Variants in OR3A2 observed in about 807,000 individuals in gnomAD.
OR3A2 encodes olfactory receptor family 3 subfamily A member 2, also known as olfactory receptor 3A2.
For missense variants in OR3A2, 318 were observed against 392.8 expected, an observed-to-expected ratio of 0.81 and a Z score of 1.61; for synonymous variants, 126 against 159.3, an observed-to-expected ratio of 0.79 and a Z score of 1.57.
At chr17:3,323,234 T>C (rs1471444937) in intron 3 of OR3A2, among the ~76,000 whole-genome samples, 1 of 152,190 alleles carries the variant, frequency 6.6e-6, no homozygotes, top group East Asian at 1.9e-4. Flanking sequence ...TCTTCCTCCA[T>C]CCCTTTATTT....
intron 2 of OR3A2, among the ~76,000 whole-genome samples, chr17:3,355,213 T>C (rs1597355792): frequency 6.6e-6 from 1 of 151,594 alleles, no homozygotes; most frequent in Non-Finnish European, 1.5e-5. Flanking sequence ...TTTTGTGACC[T>C]AATATATGGA....
intron 2 of OR3A2, among the ~76,000 whole-genome samples, chr17:3,375,508 G>T (rs577217592): frequency 2.7e-4 from 41 of 151,738 alleles, no homozygotes; most frequent in African/African-American, 9.4e-4. Context: ...CACCATGATG[G>T]TCAGGCTGGT....
chr17:3,277,944 C>A, exon 2 of OR3A2: 1 of 1,556,266 alleles, frequency 6.4e-7, no homozygotes. Flanking sequence ...CCAGAAAAGG[C>A]AGGAAAGGAG....
chr17:3,348,677 C>A (rs375953323), intron 2 of OR3A2, among the ~76,000 whole-genome samples: 3 of 151,622 alleles, frequency 2.0e-5, no homozygotes, highest in Non-Finnish European at 4.4e-5. Flanking sequence ...GAAATACAGA[C>A]AACACCACAA....
intron 2 of OR3A2, among the ~76,000 whole-genome samples, chr17:3,342,542 G>A (rs943613401): frequency 2.0e-5 from 3 of 152,198 alleles, no homozygotes; most frequent in Non-Finnish European, 2.9e-5. Flanking sequence ...GTCTGTTAGA[G>A]TTTGCCGGAA....
intron 2 of OR3A2, among the ~76,000 whole-genome samples, chr17:3,364,276 C>T (rs968550648): frequency 3.3e-5 from 5 of 152,070 alleles, no homozygotes; most frequent in Admixed American, 6.6e-5. Context: ...TTTTGATACA[C>T]GTATACATTA....
In OR3A2 at chr17:3,325,564, T is replaced by C. The variant is rs756046460; in HGVS notation, c.-85+10469A>G. Among the ~76,000 whole-genome samples the C allele has an allele frequency of 7.9e-5, 12 of 152,158 alleles. No homozygotes were observed. In the South Asian group the frequency reaches 2.1e-3, roughly 26 times the overall value. ...ATCAAATTTTAAATGTATATAGATA[T>C]ATATACACACACTTGTATTTTCTTC... is the stretch of plus-strand genomic sequence containing the variant. On this transcript the variant is annotated intron_variant, in intron 3 of 4. Transcript: ENST00000573491.
intron 3 of OR3A2, among the ~76,000 whole-genome samples, chr17:3,318,952 AT>A (rs5818893): frequency 0.17 from 26,038 of 151,896 alleles, 3,259 homozygotes; most frequent in African/African-American, 0.35. Context: ...TTTACTTTGC[AT>A]TTTTTTTAAA....
intron 3 of OR3A2, among the ~76,000 whole-genome samples, chr17:3,322,031 G>C (rs2049127743): frequency 1.3e-5 from 2 of 152,124 alleles, no homozygotes; most frequent in Admixed American, 1.3e-4. Flanking sequence ...TGGTTGGTAA[G>C]CTATTGATTA....
chr17:3,289,248 A>G (rs926738810), upstream of OR3A2, among the ~76,000 whole-genome samples: 2 of 152,248 alleles, frequency 1.3e-5, no homozygotes, highest in African/African-American at 4.8e-5. Flanking sequence ...AACATGATGT[A>G]TTACATGGAT....
At chr17:3,287,443 A>C (rs2048823898), upstream of OR3A2, among the ~76,000 whole-genome samples, 1 of 151,992 alleles carries the variant, frequency 6.6e-6, no homozygotes, top group Non-Finnish European at 1.5e-5. Context: ...TTGTGTCTAT[A>C]TCTCTGCTGA....
intron 2 of OR3A2, among the ~76,000 whole-genome samples, chr17:3,368,175 T>C (rs1468511821): frequency 6.6e-6 from 1 of 152,236 alleles, no homozygotes; most frequent in African/African-American, 2.4e-5. Context: ...TTTCTCCCAC[T>C]CTGTGGGTTA....
chr17:3,371,725 G>A (rs1440468754), intron 2 of OR3A2, among the ~76,000 whole-genome samples: 12 of 143,928 alleles, frequency 8.3e-5, no homozygotes, highest in Middle Eastern at 4.1e-3. Flanking sequence ...TCCCGGACGG[G>A]GCAGCTGGCC....
intron 2 of OR3A2, among the ~76,000 whole-genome samples, chr17:3,359,513 A>G (rs1384765754): frequency 6.6e-6 from 1 of 151,704 alleles, no homozygotes; most frequent in African/African-American, 2.4e-5. Flanking sequence ...AAAGGAACAT[A>G]TTTCTCCCTC....
At chr17:3,372,323 A>G (rs187931944) in intron 2 of OR3A2, among the ~76,000 whole-genome samples, 5 of 131,542 alleles carry the variant, frequency 3.8e-5, no homozygotes, top group South Asian at 2.6e-4. Flanking sequence ...GGGCAGAGAC[A>G]CTCCTCACTT....
chr17:3,344,281 T>C (rs1410347693), intron 2 of OR3A2, among the ~76,000 whole-genome samples: 1 of 151,694 alleles, frequency 6.6e-6, no homozygotes, highest in South Asian at 2.1e-4. Context: ...CACATCTAAT[T>C]ATTTTTAAAT....
rs538007611 is a variant in OR3A2, at chr17:3,324,771, CG to C, written c.-85+11261del. ...TGTGAGGTGTCAGTCCGCCCCTACTCGGGGGTGCCTCCCAGTTAGGCTACTT... is the reference window on the plus strand; with the variant it reads ...TGTGAGGTGTCAGTCCGCCCCTACTCGGGGTGCCTCCCAGTTAGGCTACTT... On this transcript the variant is annotated intron_variant, in intron 3 of 4. Transcript: ENST00000573491. Among the ~76,000 whole-genome samples, 764 of 152,180 alleles carry C rather than the reference CG, an allele frequency of 5.0e-3. 30 individuals carry two copies. The highest frequency in any genetic ancestry group is 0.046 in the Admixed American group (704 of 15,258).
chr17:3,319,088 A>G (rs1377945990), intron 3 of OR3A2, among the ~76,000 whole-genome samples: 1 of 152,212 alleles, frequency 6.6e-6, no homozygotes, highest in East Asian at 1.9e-4. Flanking sequence ...TGGTGAATAA[A>G]TGATAAGTAG....
intron 2 of OR3A2, among the ~76,000 whole-genome samples, chr17:3,365,943 A>T (rs944728664): frequency 1.2e-4 from 19 of 152,334 alleles, no homozygotes; most frequent in Admixed American, 1.2e-3. Flanking sequence ...GGACTCAGGA[A>T]GCCACAGAGG....
Sources: gnomAD v4.1 joint callset for allele counts (sites outside exome capture counted in the v4.1 genomes callset) on GRCh38, gnomAD v4.1.1 for gene constraint, MANE v1.5 for transcripts, NCBI Gene and HGNC (gene_info 2026-07-23, HGNC 2026-07-21) for gene names.